MRTFA: variants seen among roughly 807,000 people sequenced by gnomAD.
MRTFA encodes the protein myocardin-related transcription factor A.
Under a neutral mutation model 83.5 loss-of-function variants are expected in MRTFA, and 20 were observed. The observed-to-expected ratio is 0.24, with a 90% CI of 0.17 to 0.35. The LOEUF (loss-of-function observed/expected upper bound fraction) is 0.35, where lower values mean the gene tolerates loss of function less well. MRTFA is among the 10% of genes least tolerant of loss of function. The probability of loss-of-function intolerance (pLI) is 1.00; values close to 1 mark genes in which losing one functional copy is unlikely to be tolerated. For missense variants in MRTFA, 1,200 were observed against 1,224.7 expected, an observed-to-expected ratio of 0.98 and a Z score of 0.30; for synonymous variants, 659 against 541.2, an observed-to-expected ratio of 1.22 and a Z score of -3.02.
chr22:40,443,223 G>C (rs1457719954), intron 4 of MRTFA, among the ~76,000 whole-genome samples: 4 of 151,908 alleles, frequency 2.6e-5, no homozygotes, highest in African/African-American at 9.7e-5. Flanking sequence ...CTGCACTCTA[G>C]CCTGAGCGAC....
chr22:40,519,421 C>T, intron 3 of MRTFA: 1 of 1,330,446 alleles, frequency 7.5e-7, no homozygotes, highest in Non-Finnish European at 1.0e-6. Context: ...GGAAAGAGAT[C>T]AGGGTTGAGA....
chr22:40,534,638 T>G (rs948008743), intron 3 of MRTFA, among the ~76,000 whole-genome samples: 5 of 152,202 alleles, frequency 3.3e-5, no homozygotes, highest in Admixed American at 3.3e-4. Context: ...CCTCACAAAG[T>G]GCTGGGATTA....
At chr22:40,567,419 G>A (rs1027710236) in intron 2 of MRTFA, among the ~76,000 whole-genome samples, 1 of 152,144 alleles carries the variant, frequency 6.6e-6, no homozygotes, top group Non-Finnish European at 1.5e-5. Flanking sequence ...AAGTCCACAC[G>A]CTACGTATAA....
Position 40,416,974 on chromosome 22 carries a change from A to G in MRTFA, c.2578+12T>C. On this transcript the variant is annotated intron_variant, in intron 14 of 14. Coordinates refer to ENST00000355630, the MANE Select transcript of MRTFA (RefSeq NM_020831.6). The surrounding 1 kb of genome is among the most constrained non-coding windows in gnomAD (Gnocchi z 4.2). ...AAGGCCGTCAGGGAGGCAGCAGGGG[A>G]CCTGGGGTTACCTCCGCTCTGAATG... is the stretch of plus-strand genomic sequence containing the variant. 1 of 1,589,076 alleles carries G rather than the reference A, an allele frequency of 6.3e-7. No individual in the cohort carries two copies. The highest frequency in any genetic ancestry group is 1.2e-5 in the South Asian group (1 of 86,816).
chr22:40,500,346 TTA>T (rs772935711), intron 3 of MRTFA, among the ~76,000 whole-genome samples: 3 of 27,334 alleles, frequency 1.1e-4, no homozygotes, highest in Non-Finnish European at 1.7e-4. Context: ...TTTATTTTTT[TTA>T]TTTTTTTTTT....
At chr22:40,430,704 T>G (rs1275162797) in intron 6 of MRTFA, among the ~76,000 whole-genome samples, 4 of 151,372 alleles carry the variant, frequency 2.6e-5, no homozygotes, top group African/African-American at 7.3e-5. Context: ...ACTAAAAATA[T>G]AAAATATTAG....
At position 40,623,471 on chromosome 22, in the gene MRTFA, C is replaced by A. The variant is rs374325911; in HGVS notation, c.-84+13007G>T. ...TATCTCCCAATGCTATCCCTCCCCC[C>A]TCCCCCAACCCCGATACTGTCCTTT... is the stretch of plus-strand genomic sequence containing the variant. On this transcript the variant is annotated intron_variant, in intron 1 of 14. Transcript: ENST00000355630. 3.0e-3 allele frequency among the ~76,000 whole-genome samples: 447 copies of A among 151,358 alleles called. 4 individuals carry two copies. Among genetic ancestry groups the A allele is most frequent in the African/African-American group, 0.01 (425 of 41,218 alleles).
At chr22:40,550,036 G>C (rs1018217308) in intron 3 of MRTFA, among the ~76,000 whole-genome samples, 11 of 128,986 alleles carry the variant, frequency 8.5e-5, no homozygotes, top group Non-Finnish European at 1.4e-4. Flanking sequence ...GCAACAGAGT[G>C]AGACTCTGTT....
chr22:40,482,171 G>C (rs923842977), intron 3 of MRTFA, among the ~76,000 whole-genome samples: 8 of 152,092 alleles, frequency 5.3e-5, no homozygotes, highest in African/African-American at 1.4e-4. Context: ...GGCTATTTGA[G>C]ATATGTACTA....
intron 7 of MRTFA, among the ~76,000 whole-genome samples, chr22:40,427,025 A>G (rs1457773603): frequency 6.6e-6 from 1 of 152,242 alleles, no homozygotes; most frequent in African/African-American, 2.4e-5. Flanking sequence ...TTGTTTATAC[A>G]TTAGTCTTCT....
Position 40,420,852 on chromosome 22 carries a change from C to T in MRTFA, c.1176G>A (p.Pro392=), listed in dbSNP as rs975433742. The T allele has an allele frequency of 6.8e-6, 11 of 1,613,232 alleles. No individual in the cohort carries two copies. Among genetic ancestry groups the T allele is most frequent in the East Asian group, 4.5e-5 (2 of 44,894 alleles). Residue 392 remains proline, a synonymous_variant, in exon 10 of 15, where the codon CCG becomes CCA. Coordinates refer to ENST00000355630, the MANE Select transcript of MRTFA (RefSeq NM_020831.6). ...AGTGAGGAGCGGGTGCCTACTTTGG[C>T]GGGGCAGGCAGGATGGCCTGGTAGT...
intron 3 of MRTFA, among the ~76,000 whole-genome samples, chr22:40,470,770 G>T (rs1205493604): frequency 1.3e-5 from 2 of 149,766 alleles, no homozygotes; most frequent in Non-Finnish European, 1.5e-5. Flanking sequence ...CCAATATGGT[G>T]AAACCCTGTC....
chr22:40,613,086 AT>A, intron 1 of MRTFA, among the ~76,000 whole-genome samples: 1 of 152,200 alleles, frequency 6.6e-6, no homozygotes, highest in Non-Finnish European at 1.5e-5. Flanking sequence ...CTTCTTATAA[AT>A]GAAATCATAT....
At chr22:40,438,358 T>C (rs1354521597) in intron 4 of MRTFA, among the ~76,000 whole-genome samples, 1 of 152,236 alleles carries the variant, frequency 6.6e-6, no homozygotes, top group Non-Finnish European at 1.5e-5. Flanking sequence ...CCAGCTAGTT[T>C]CTGTACCACA....
At chr22:40,582,096 C>A (rs1219139123) in intron 2 of MRTFA, among the ~76,000 whole-genome samples, 1 of 152,208 alleles carries the variant, frequency 6.6e-6, no homozygotes, top group Admixed American at 6.5e-5. Flanking sequence ...CAGCCCCCAG[C>A]AACTACTAAT....
At chr22:40,542,987 T>C (rs1367178891) in intron 3 of MRTFA, among the ~76,000 whole-genome samples, 1 of 152,214 alleles carries the variant, frequency 6.6e-6, no homozygotes, top group Non-Finnish European at 1.5e-5. Context: ...CTGGTATCTA[T>C]TCTCCAGGGG....
rs1555973838 is a variant in MRTFA, at chr22:40,459,862, T to TAC, written c.307+3357_307+3358dup. Among the ~76,000 whole-genome samples the TAC allele has an allele frequency of 1.6e-3, 196 of 121,474 alleles. 4 individuals are homozygous for TAC. The highest frequency in any genetic ancestry group is 4.4e-3 in the African/African-American group (139 of 31,828). The allele number at this position is 121,474 out of a possible 152,430, so 79.7% of individuals were successfully genotyped here. On this transcript the variant is annotated intron_variant, in intron 4 of 14. Transcript: ENST00000355630. ...ATATATATATATATATATATATATA[T>TAC]ACACACATGAATGATACTTTCTCAA...
At chr22:40,474,348 TATG>T (rs1200113812) in intron 3 of MRTFA, among the ~76,000 whole-genome samples, 12 of 152,250 alleles carry the variant, frequency 7.9e-5, no homozygotes, top group South Asian at 2.1e-4. Flanking sequence ...TTTAATGTTA[TATG>T]ATAATAAACT....
At chr22:40,489,960 T>C (rs1421289977) in intron 3 of MRTFA, among the ~76,000 whole-genome samples, 1 of 118,142 alleles carries the variant, frequency 8.5e-6, no homozygotes, top group Non-Finnish European at 1.7e-5. Flanking sequence ...AGACAAAGCA[T>C]GACTCTGTCG....
Sources: gnomAD v4.1 joint callset for allele counts (sites outside exome capture counted in the v4.1 genomes callset) on GRCh38, gnomAD v4.1.1 for gene constraint, Gnocchi (gnomAD v3.1) non-coding constraint, MANE v1.5 for transcripts, NCBI Gene and HGNC (gene_info 2026-07-23, HGNC 2026-07-21) for gene names.